Variants in SRRM2 observed in about 807,000 individuals in gnomAD.
SRRM2 encodes the protein serine/arginine repetitive matrix 2.
A neutral mutation model predicts 213.8 loss-of-function variants in SRRM2; 30 were observed. That is an observed-to-expected ratio of 0.14 (90% CI 0.10 to 0.19). The LOEUF (loss-of-function observed/expected upper bound fraction) is 0.19. Ranked by LOEUF, SRRM2 falls within the 10% of genes least tolerant of loss-of-function variation. The pLI is 1.00. For synonymous variants in SRRM2, 2,025 were observed against 1,377.7 expected (o/e 1.47, Z -10.40); for missense variants, 4,904 against 3,647.0 (o/e 1.34, Z -8.88).
chr16:2,753,463 G>A (rs980796612), intron 1 of SRRM2: 1 of 152,246 alleles, frequency 6.6e-6, no homozygotes, highest in African/African-American at 2.4e-5. Flanking sequence ...TAGTGGCGGG[G>A]AGAAACCCCA....
rs778330600 is a variant in SRRM2, at chr16:2,764,040, C to G, written c.3512C>G (p.Pro1171Arg). The G allele has an allele frequency of 1.9e-6, 3 of 1,614,128 alleles. No individual in the cohort carries two copies. The highest frequency in any genetic ancestry group is 4.5e-5 in the East Asian group (2 of 44,874). Residue 1171 changes from proline (P) to arginine (R), a missense_variant, in exon 11 of 15, where the codon CCC (proline) becomes CGC (arginine). Transcript: ENST00000301740. ...GAATCAAAAGAGAAAATGGCCTTACCCCCTCAGGAGGATGCTACTGCATCA... is the reference window on the plus strand; with the variant it reads ...GAATCAAAAGAGAAAATGGCCTTACGCCCTCAGGAGGATGCTACTGCATCA... ...TAESKEKMAL[P>R]PQEDATASPP...
chr16:2,770,220 G>T (rs1403801221), intron 12 of SRRM2, 132 bp from the exon 13 acceptor site: 12 of 1,452,482 alleles, frequency 8.3e-6, no homozygotes, highest in Non-Finnish European at 1.0e-5. Context: ...GTGAGTGAGC[G>T]GACAAAGGTG....
chr16:2,764,534 T>TCAGGCC lies in SRRM2; in HGVS notation c.4009_4014dup (p.Gly1337_Pro1338dup). ...TGGATCACCTTTAGAATTTAGAAAC[T>TCAGGCC]CAGGCCCACTTGGTACAGAAATGAA... is the stretch of plus-strand genomic sequence containing the variant. On this transcript the variant is annotated inframe_insertion, in exon 11 of 15. Transcript: ENST00000301740. 1.9e-6 allele frequency: 3 copies of TCAGGCC among 1,614,188 alleles called. No homozygotes were observed. The highest frequency in any genetic ancestry group is 1.6e-4 in the Middle Eastern group (1 of 6,062).
chr16:2,756,587 G>A lies in SRRM2; in HGVS notation c.223G>A (p.Glu75Lys). The A allele has an allele frequency of 6.2e-7, 1 of 1,613,486 alleles. No homozygotes were observed. The highest frequency in any genetic ancestry group is 8.5e-7 in the Non-Finnish European group (1 of 1,179,660). Residue 75 changes from glutamate to lysine, a missense_variant, in exon 2 of 15, where the codon GAG becomes AAG. Transcript: ENST00000301740. ...CGAGCTGCGATGCCTCGAGCTGGAG[G>A]AGATGATGGAAGAGCAGGGGTGAGG... ...RVELRCLELE[E>K]MMEEQGYEEQ...
Position 2,770,964 on chromosome 16 carries a change from T to C in SRRM2, c.*97T>C, listed in dbSNP as rs537484544. 1.7e-4 allele frequency: 264 copies of C among 1,509,764 alleles called. 1 individual carries two copies. In the African/African-American group the frequency reaches 3.0e-3, roughly 17 times the overall value. 93.5% of individuals were successfully genotyped at this position (1,509,764 alleles called of 1,614,324 possible). On this transcript the variant is annotated 3_prime_UTR_variant, in exon 15 of 15. Coordinates refer to ENST00000301740, the MANE Select transcript of SRRM2 (RefSeq NM_016333.4). ...GCCGTGGGAGGGTCCTTGTCTGCTC[T>C]CCTTTGAACCTTGGCAGCCCTTGGA...
chr16:2,765,862 G>A lies in SRRM2; in HGVS notation c.5334G>A (p.Arg1778=), dbSNP rs1289628540. Residue 1778 remains arginine (R), a synonymous_variant, in exon 11 of 15, where the codon AGG becomes AGA. Coordinates refer to ENST00000301740, the MANE Select transcript of SRRM2 (RefSeq NM_016333.4). ...TCCAGAGGTCCCGTTCCCGCTCAAG[G>A]AGAGAGAAAACAAGAACAACCCGAC... The part of the protein sequence containing the change: ...RGLQRSRSRS[R]REKTRTTRRR... The A allele has an allele frequency of 6.2e-7, 1 of 1,614,112 alleles. No homozygotes were observed.
At chr16:2,760,174 C>A in intron 9 of SRRM2, 127 bp from the exon 10 acceptor site, 1 of 882,446 alleles carries the variant, frequency 1.1e-6, no homozygotes, top group South Asian at 1.6e-5. Context: ...TTGAGTTGTG[C>A]GACTAAAGGC....
rs775115996 is a variant in SRRM2, at chr16:2,767,988, C to T, written c.7460C>T (p.Ala2487Val). ...GCAGTGGCAACGACCACGTCCTCTG[C>T]TGGTGATCACAATGGCATGCTCTCT... ...SGAVATTTSS[A>V]GDHNGMLSVP... is the part of the protein sequence containing the mutation. The change falls in exon 11 of 15, where the codon GCT becomes GTT. Residue 2487 changes from alanine to valine, a missense_variant. Ala to Val is a moderately conservative substitution (Grantham distance 64, BLOSUM62 0). Coordinates refer to ENST00000301740, the MANE Select transcript of SRRM2 (RefSeq NM_016333.4). 14 of 1,614,050 alleles carry T rather than the reference C, an allele frequency of 8.7e-6. 1 individual carries two copies. In the Admixed American group the frequency reaches 2.2e-4, roughly 25 times the overall value.
At chr16:2,770,220 G>C (rs1403801221) in intron 12 of SRRM2, 132 bp from the exon 13 acceptor site, 1 of 1,452,600 alleles carries the variant, frequency 6.9e-7, no homozygotes, top group Non-Finnish European at 9.1e-7. Context: ...GTGAGTGAGC[G>C]GACAAAGGTG....
chr16:2,768,282 GA>G, intron 11 of SRRM2, 21 bp downstream of exon 11: 1 of 1,513,780 alleles, frequency 6.6e-7, no homozygotes, highest in Non-Finnish European at 8.8e-7. Context: ...TTGACTTTTA[GA>G]AATCTTCAGT....
In SRRM2 at chr16:2,762,819, C is replaced by T. The variant is rs780730999; in HGVS notation, c.2291C>T (p.Ser764Leu). Residue 764 changes from serine (S) to leucine (L), a missense_variant, in exon 11 of 15, where the codon TCA becomes TTA. By Grantham distance (145) the Ser-to-Leu change is moderately radical (BLOSUM62 -2). Coordinates refer to ENST00000301740, the MANE Select transcript of SRRM2 (RefSeq NM_016333.4). ...TCAAGGCGGAGCAGGTCTCTCTCTT[C>T]ACCACGGTCCAAAGCAAAATCTCGC... is the stretch of plus-strand genomic sequence containing the variant. The part of the protein sequence containing the change: ...ISSRRSRSLS[S>L]PRSKAKSRLS... The T allele has an allele frequency of 2.5e-6, 4 of 1,614,112 alleles. No homozygotes were observed. The highest frequency in any genetic ancestry group is 2.2e-5 in the East Asian group (1 of 44,886).
At position 2,762,566 on chromosome 16, in the gene SRRM2, C is replaced by T. The variant is rs777371075; in HGVS notation, c.2038C>T (p.Arg680Cys). 39 of 1,613,526 alleles carry T rather than the reference C, an allele frequency of 2.4e-5. No individual in the cohort carries two copies. The Middle Eastern group carries it at 6.6e-4, about 27-fold the overall frequency. Residue 680 changes from arginine (R) to cysteine (C), a missense_variant, in exon 11 of 15, where the codon CGC becomes TGC. Arg to Cys is a radical substitution (Grantham distance 180, BLOSUM62 -3). Transcript: ENST00000301740. Reference sequence around the variant, plus strand: ...TAGAACCCCAGCTAGACGCAGTGGTCGCTCACGCTCCAGAACACCAGCCAG... The same window carrying T: ...TAGAACCCCAGCTAGACGCAGTGGTTGCTCACGCTCCAGAACACCAGCCAG... ...RSRTPARRSGRSRSRTPARRG... is the reference protein window; with the variant it reads ...RSRTPARRSGCSRSRTPARRG...
intron 2 of SRRM2, among the ~76,000 whole-genome samples, chr16:2,757,186 C>T (rs1265730076): frequency 6.6e-6 from 1 of 152,184 alleles, no homozygotes; most frequent in Non-Finnish European, 1.5e-5. Flanking sequence ...GTAAAAGGCA[C>T]ATTCTTGTTG....
chr16:2,770,045 C>T, intron 12 of SRRM2: 4 of 1,004,044 alleles, frequency 4.0e-6, no homozygotes, highest in Non-Finnish European at 5.5e-6. Context: ...CCCTTGGGTC[C>T]CCAGAGCCAC....
chr16:2,754,773 G>A (rs1358710111), intron 1 of SRRM2, among the ~76,000 whole-genome samples: 1 of 152,206 alleles, frequency 6.6e-6, no homozygotes, highest in Non-Finnish European at 1.5e-5. Context: ...ATTGGTACTA[G>A]AAGATGAAAA....
chr16:2,767,876 C>G lies in SRRM2; in HGVS notation c.7348C>G (p.Pro2450Ala), dbSNP rs1319851867. The G allele has an allele frequency of 6.2e-7, 1 of 1,614,172 alleles. No homozygotes were observed. Among genetic ancestry groups the G allele is most frequent in the African/African-American group, 1.3e-5 (1 of 75,022 alleles). Reference protein sequence around the residue: ...LPPAQDQPRSPVPSAFSDQSR... With the variant: ...LPPAQDQPRSAVPSAFSDQSR... ...TCCAGCACAGGATCAGCCGAGGTCT[C>G]CTGTGCCTTCTGCTTTTTCAGACCA... The change falls in exon 11 of 15, where the codon CCT becomes GCT. Residue 2450 changes from proline (P) to alanine (A), a missense_variant. Transcript: ENST00000301740.
intron 1 of SRRM2, among the ~76,000 whole-genome samples, chr16:2,755,648 C>CT (rs1345538785): frequency 3.3e-5 from 5 of 152,128 alleles, no homozygotes; most frequent in Non-Finnish European, 7.4e-5. Flanking sequence ...TGGCCCTTAC[C>CT]TGGGAGGTGA....
intron 1 of SRRM2, among the ~76,000 whole-genome samples, chr16:2,753,145 C>A (rs532712138): frequency 2.2e-4 from 34 of 152,214 alleles, no homozygotes; most frequent in Admixed American, 1.2e-3. Context: ...TCACTCCTCC[C>A]CCCAACATGT....
chr16:2,760,698 T>C (rs2068312795), intron 10 of SRRM2, 199 bp downstream of exon 10: 3 of 600,408 alleles, frequency 5.0e-6, no homozygotes, highest in East Asian at 2.9e-5. Flanking sequence ...CCCTTTAGAA[T>C]CAAATCTCAC....
Sources: allele counts gnomAD v4.1 joint callset (sites outside exome capture counted in the v4.1 genomes callset), GRCh38; gene constraint gnomAD v4.1.1; transcripts MANE v1.5; gene names NCBI Gene and HGNC (gene_info 2026-07-23, HGNC 2026-07-21).